KPNA3: variants seen among roughly 807,000 people sequenced by gnomAD.
The protein encoded by KPNA3 is importin subunit alpha-4.
In KPNA3, 13 loss-of-function variants were observed where a neutral mutation model predicts 73.8. The ratio of observed to expected loss-of-function variants is 0.18; its 90% CI spans 0.11 to 0.28. The LOEUF (loss-of-function observed/expected upper bound fraction) is 0.28. Among genes scored for constraint, KPNA3 ranks in the 10% least tolerant of loss-of-function variants. KPNA3 has a pLI of 1.00. For missense variants in KPNA3, 360 were observed against 618.1 expected (o/e 0.58, Z 4.43); for synonymous variants, 186 against 206.9 (o/e 0.90, Z 0.87).
At chr13:49,732,299 A>C (rs1263983160) in intron 6 of KPNA3, 72 bp downstream of exon 6, 1 of 664,052 alleles carries the variant, frequency 1.5e-6, no homozygotes, top group African/African-American at 1.8e-5. Flanking sequence ...AACTGAACTC[A>C]CTGGTTAAGT....
At chr13:49,778,813 G>T (rs1273826033) in intron 1 of KPNA3, among the ~76,000 whole-genome samples, 1 of 151,928 alleles carries the variant, frequency 6.6e-6, no homozygotes, top group African/African-American at 2.4e-5. Context: ...TCACTGTATT[G>T]CCTAGGCTGG....
intron 7 of KPNA3, 21 bp downstream of exon 7, chr13:49,725,395 G>C (rs866015146): frequency 1.4e-6 from 2 of 1,469,366 alleles, no homozygotes; most frequent in Admixed American, 3.9e-5. Context: ...AAAAAGTTCA[G>C]ACAGTAAGGA....
intron 6 of KPNA3, among the ~76,000 whole-genome samples, chr13:49,730,573 T>C (rs1040396788): frequency 6.1e-4 from 83 of 136,328 alleles, no homozygotes; most frequent in Non-Finnish European, 8.7e-4. Flanking sequence ...TGGAGGGTCC[T>C]AAAGGTAGAA....
At chr13:49,721,634 A>G (rs879504818) in intron 9 of KPNA3, among the ~76,000 whole-genome samples, 2 of 152,156 alleles carry the variant, frequency 1.3e-5, no homozygotes, top group Non-Finnish European at 2.9e-5. Context: ...CCTGGCTAAC[A>G]TGGTGAAACC....
intron 1 of KPNA3, among the ~76,000 whole-genome samples, chr13:49,758,489 G>A (rs910948438): frequency 2.6e-5 from 4 of 152,208 alleles, no homozygotes; most frequent in African/African-American, 7.2e-5. Flanking sequence ...TGGGTGCAGC[G>A]CTGCTGGTGT....
intron 1 of KPNA3, among the ~76,000 whole-genome samples, chr13:49,762,328 AG>A (rs534958362): frequency 1.3e-5 from 2 of 152,156 alleles, no homozygotes; most frequent in Non-Finnish European, 2.9e-5. Context: ...GGAAGTGAGG[AG>A]CCCCTCTGCC....
intron 8 of KPNA3, 80 bp downstream of exon 8, chr13:49,722,395 GAA>G (rs1954367958): frequency 2.2e-6 from 2 of 897,892 alleles, no homozygotes; most frequent in Non-Finnish European, 3.5e-6. Flanking sequence ...AAATTCAGAG[GAA>G]ACATAGTATG....
At chr13:49,705,823 T>C in intron 14 of KPNA3, 40 bp from the exon 15 acceptor site, 1 of 1,477,150 alleles carries the variant, frequency 6.8e-7, no homozygotes, top group Non-Finnish European at 9.1e-7. Context: ...ATTTATATAA[T>C]TATCTATTTC....
At chr13:49,720,816 A>G (rs1954349700) in intron 9 of KPNA3, among the ~76,000 whole-genome samples, 1 of 151,924 alleles carries the variant, frequency 6.6e-6, no homozygotes, top group Admixed American at 6.6e-5. Flanking sequence ...AAGCACAAGG[A>G]TCTATTTACA....
chr13:49,706,348 T>C lies in KPNA3; in HGVS notation c.1057A>G (p.Ile353Val). ...NKEAVWFLSNITAGNQQQVQA... is the reference protein window; with the variant it reads ...NKEAVWFLSNVTAGNQQQVQA... ...ACTTGTTGCTGGTTGCCTGCTGTTATGTTGGAAAGGAACCACACTGCTTCC... is the reference window on the plus strand; with the variant it reads ...ACTTGTTGCTGGTTGCCTGCTGTTACGTTGGAAAGGAACCACACTGCTTCC... Residue 353 changes from isoleucine to valine, a missense_variant, in exon 13 of 17, where the codon ATA becomes GTA. Coordinates refer to ENST00000261667, the MANE Select transcript of KPNA3 (RefSeq NM_002267.4). 1.9e-6 allele frequency: 3 copies of C among 1,614,112 alleles called. No homozygotes were observed. The highest frequency in any genetic ancestry group is 2.5e-6 in the Non-Finnish European group (3 of 1,179,982).
intron 1 of KPNA3, among the ~76,000 whole-genome samples, chr13:49,758,511 G>C (rs865978266): frequency 2.6e-5 from 4 of 152,022 alleles, no homozygotes. Context: ...GTTATTCTGA[G>C]ACTGTTATGT....
At chr13:49,753,796 C>T (rs1954687050) in intron 1 of KPNA3, among the ~76,000 whole-genome samples, 1 of 152,176 alleles carries the variant, frequency 6.6e-6, no homozygotes, top group South Asian at 2.1e-4. Context: ...TAACTAATGC[C>T]TGATGATCTG....
chr13:49,754,759 C>T (rs577987078), intron 1 of KPNA3, among the ~76,000 whole-genome samples: 2 of 152,110 alleles, frequency 1.3e-5, no homozygotes, highest in South Asian at 2.1e-4. Context: ...CAACTCTACA[C>T]ACACAAATTT....
chr13:49,773,239 T>C (rs964660963), intron 1 of KPNA3, among the ~76,000 whole-genome samples: 1 of 152,198 alleles, frequency 6.6e-6, no homozygotes, highest in African/African-American at 2.4e-5. Context: ...CAAAGGGATA[T>C]GGAGGAACTT....
intron 1 of KPNA3, among the ~76,000 whole-genome samples, chr13:49,747,611 G>A (rs1954629792): frequency 6.6e-6 from 1 of 152,188 alleles, no homozygotes; most frequent in Non-Finnish European, 1.5e-5. Flanking sequence ...GCTTGAACCT[G>A]GGAGACGGAG....
At chr13:49,729,985 G>A (rs1954446786) in intron 6 of KPNA3, among the ~76,000 whole-genome samples, 1 of 152,046 alleles carries the variant, frequency 6.6e-6, no homozygotes, top group Admixed American at 6.6e-5. Flanking sequence ...CAAAGTATAT[G>A]GCCTTTTACA....
Position 49,700,999 on chromosome 13 carries a change from AG to A in KPNA3, c.*800del, listed in dbSNP as rs1954141916. ...TCAAGTCCATAACAGGTTGCAGCTCAGGTAAAATACCATGCACAGCATTTGA... is the reference window on the plus strand; with the variant it reads ...TCAAGTCCATAACAGGTTGCAGCTCAGTAAAATACCATGCACAGCATTTGA... On this transcript the variant is annotated 3_prime_UTR_variant, in exon 17 of 17. Coordinates refer to ENST00000261667, the MANE Select transcript of KPNA3 (RefSeq NM_002267.4). 1.3e-5 allele frequency: 2 copies of A among 152,702 alleles called. No individual in the cohort carries two copies. Among genetic ancestry groups the A allele is most frequent in the South Asian group, 4.1e-4 (2 of 4,838 alleles). The allele number at this position is 152,702 out of a possible 1,614,324, so 9.5% of individuals were successfully genotyped here.
intron 1 of KPNA3, among the ~76,000 whole-genome samples, chr13:49,785,145 G>T (rs911743889): frequency 1.3e-5 from 2 of 152,172 alleles, no homozygotes; most frequent in African/African-American, 4.8e-5. Flanking sequence ...GGGCTTAAGG[G>T]GGTGGGGGAG....
At chr13:49,784,486 G>A (rs1954966133) in intron 1 of KPNA3, among the ~76,000 whole-genome samples, 1 of 152,172 alleles carries the variant, frequency 6.6e-6, no homozygotes, top group Admixed American at 6.5e-5. Context: ...TTAAATGGTT[G>A]GGAGACAACA....
Sources: allele counts gnomAD v4.1 joint callset (sites outside exome capture counted in the v4.1 genomes callset), GRCh38; gene constraint gnomAD v4.1.1; transcripts MANE v1.5; gene names NCBI Gene and HGNC (gene_info 2026-07-23, HGNC 2026-07-21).